Variants in INTU observed in about 807,000 individuals in gnomAD.
INTU encodes the protein protein inturned.
INTU carries 68 observed loss-of-function variants against 100.5 expected under a neutral mutation model. The observed-to-expected ratio is 0.68, with a 90% CI of 0.56 to 0.83. The LOEUF is 0.83. Ranked by LOEUF, INTU falls within the 40% of genes least tolerant of loss-of-function variation. INTU has a pLI of 0.00. For synonymous variants in INTU, 357 were observed against 395.7 expected (o/e 0.90, Z 1.16); for missense variants, 1,071 against 1,114.7 (o/e 0.96, Z 0.56).
intron 4 of INTU, among the ~76,000 whole-genome samples, chr4:127,664,617 C>T (rs1021988027): frequency 2.0e-5 from 3 of 151,934 alleles, no homozygotes; most frequent in Non-Finnish European, 4.4e-5. Flanking sequence ...TGATATGATC[C>T]TCTCCACCCT....
chr4:127,663,715 CTG>C (rs1255241982), intron 4 of INTU, 131 bp downstream of exon 4: 2 of 647,616 alleles, frequency 3.1e-6, no homozygotes, highest in African/African-American at 3.7e-5. Context: ...AATGAATTAA[CTG>C]TTTTTCTTTA....
intron 2 of INTU, among the ~76,000 whole-genome samples, chr4:127,647,812 A>G (rs1239130937): frequency 6.6e-6 from 1 of 152,182 alleles, no homozygotes; most frequent in African/African-American, 2.4e-5. Flanking sequence ...CTTTTCCTAC[A>G]TTTATATACA....
In INTU at chr4:127,691,970, A is replaced by G. The variant is rs1045522224; in HGVS notation, c.1449+4103A>G. On this transcript the variant is annotated intron_variant, in intron 8 of 15. Transcript: ENST00000335251. ...ATAGTGTTCCATGGTATGTATATAT[A>G]TATATATATATGTCACATTTTCTTT... Among the ~76,000 whole-genome samples the G allele has an allele frequency of 1.3e-4, 18 of 141,008 alleles. 2 individuals are homozygous for G. Among genetic ancestry groups the G allele is most frequent in the South Asian group, 7.2e-4 (3 of 4,152 alleles). The allele number at this position is 141,008 out of a possible 152,430, so 92.5% of individuals were successfully genotyped here.
chr4:127,677,046 G>A (rs1459506790), intron 6 of INTU, among the ~76,000 whole-genome samples: 2 of 152,220 alleles, frequency 1.3e-5, no homozygotes, highest in Non-Finnish European at 2.9e-5. Flanking sequence ...GAGGCTGGGG[G>A]AGGGGAGCCC....
chr4:127,656,667 T>G lies in INTU; in HGVS notation c.714T>G (p.Asp238Glu). Residue 238 changes from aspartate (D) to glutamate (E), a missense_variant, in exon 3 of 16, where the codon GAT (aspartate) becomes GAG (glutamate). By Grantham distance (45) the Asp-to-Glu change is conservative. Coordinates refer to ENST00000335251, the MANE Select transcript of INTU (RefSeq NM_015693.4). Reference protein sequence around the residue: ...GDVLVAVNDVDVTTENIERVL... With the variant: ...GDVLVAVNDVEVTTENIERVL... ...TCCTTGTTGCTGTGAATGATGTCGATGTTACTACTGAAAACATCGAGAGAG... is the reference window on the plus strand; with the variant it reads ...TCCTTGTTGCTGTGAATGATGTCGAGGTTACTACTGAAAACATCGAGAGAG... 1.2e-6 allele frequency: 2 copies of G among 1,610,996 alleles called. No individual in the cohort carries two copies. Among genetic ancestry groups the G allele is most frequent in the Non-Finnish European group, 1.7e-6 (2 of 1,177,712 alleles).
At chr4:127,662,045 T>C (rs1477010701) in intron 3 of INTU, among the ~76,000 whole-genome samples, 1 of 152,188 alleles carries the variant, frequency 6.6e-6, no homozygotes, top group Non-Finnish European at 1.5e-5. Flanking sequence ...ATTAGTCATG[T>C]TGAGCATTTT....
intron 14 of INTU, among the ~76,000 whole-genome samples, chr4:127,712,807 C>G (rs908667810): frequency 6.6e-6 from 1 of 152,196 alleles, no homozygotes; most frequent in African/African-American, 2.4e-5. Context: ...GCATTACCGC[C>G]TGAGGTCTGC....
Position 127,687,709 on chromosome 4 carries a change from T to C in INTU, c.1291T>C (p.Leu431=). The change falls in exon 8 of 16, where the codon TTG becomes CTG. Residue 431 remains leucine, a synonymous_variant. Coordinates refer to ENST00000335251, the MANE Select transcript of INTU (RefSeq NM_015693.4). ...TTGCCAGATTGAGAATGTTCCTCGT[T>C]TGGATCATTTTTTTAACTTGTTCTT... is the stretch of plus-strand genomic sequence containing the variant. ...AFCQIENVPR[L]DHFFNLFFQR... The C allele has an allele frequency of 1.9e-6, 3 of 1,612,806 alleles. No homozygotes were observed. The highest frequency in any genetic ancestry group is 1.7e-6 in the Non-Finnish European group (2 of 1,179,064).
chr4:127,640,739 TA>T (rs1727295595), intron 1 of INTU, among the ~76,000 whole-genome samples: 3 of 151,572 alleles, frequency 2.0e-5, no homozygotes, highest in Admixed American at 1.3e-4. Flanking sequence ...TAGTGATTTC[TA>T]AGCTGTATTG....
chr4:127,661,997 A>G (rs1290508237), intron 3 of INTU, among the ~76,000 whole-genome samples: 1 of 152,020 alleles, frequency 6.6e-6, no homozygotes, highest in African/African-American at 2.4e-5. Context: ...GTAAGGTGGT[A>G]GGTACCTCAT....
chr4:127,697,060 T>C (rs115647862), intron 8 of INTU, among the ~76,000 whole-genome samples: 4,120 of 152,292 alleles, frequency 0.027, 174 homozygotes, highest in African/African-American at 0.094. Context: ...CTCTACTCAG[T>C]GTATTTTAAA....
At chr4:127,634,255 T>G (rs1441052193) in intron 1 of INTU, among the ~76,000 whole-genome samples, 1 of 152,240 alleles carries the variant, frequency 6.6e-6, no homozygotes, top group Middle Eastern at 3.2e-3. Context: ...ATTTTAAAAT[T>G]CATGATTATT....
At chr4:127,646,216 TA>T (rs1297269707) in intron 2 of INTU, among the ~76,000 whole-genome samples, 1 of 151,964 alleles carries the variant, frequency 6.6e-6, no homozygotes, top group Non-Finnish European at 1.5e-5. Context: ...TTGGATGACT[TA>T]TTATGCAACA....
intron 3 of INTU, among the ~76,000 whole-genome samples, chr4:127,658,741 A>G (rs1465135954): frequency 6.6e-6 from 1 of 152,180 alleles, no homozygotes; most frequent in Non-Finnish European, 1.5e-5. Flanking sequence ...TTAGCAGAAG[A>G]AAAAGGGAGA....
At chr4:127,650,960 T>C (rs1277306620) in intron 2 of INTU, among the ~76,000 whole-genome samples, 1 of 152,254 alleles carries the variant, frequency 6.6e-6, no homozygotes, top group Non-Finnish European at 1.5e-5. Flanking sequence ...TTTGCATTTC[T>C]CTGATGGCCA....
At chr4:127,671,191 G>A (rs571562443) in intron 5 of INTU, among the ~76,000 whole-genome samples, 3 of 152,062 alleles carry the variant, frequency 2.0e-5, no homozygotes, top group South Asian at 4.1e-4. Flanking sequence ...CGGAATGAGA[G>A]AAAATATTTG....
intron 9 of INTU, among the ~76,000 whole-genome samples, chr4:127,700,304 T>G (rs973021487): frequency 1.3e-5 from 2 of 152,192 alleles, no homozygotes; most frequent in African/African-American, 2.4e-5. Context: ...CACTGAGAAC[T>G]AAGCTTTTGA....
intron 8 of INTU, among the ~76,000 whole-genome samples, chr4:127,690,284 A>G (rs965468567): frequency 3.3e-5 from 5 of 152,224 alleles, no homozygotes; most frequent in Non-Finnish European, 7.3e-5. Flanking sequence ...TATCAAATTA[A>G]GAAATCACTG....
At chr4:127,674,037 A>G (rs1729058340) in intron 5 of INTU, 87 bp from the exon 6 acceptor site, 2 of 793,214 alleles carry the variant, frequency 2.5e-6, no homozygotes, top group African/African-American at 3.5e-5. Flanking sequence ...CTTAAATCAT[A>G]CCATATGCAA....
Sources: allele counts gnomAD v4.1 joint callset (sites outside exome capture counted in the v4.1 genomes callset), GRCh38; gene constraint gnomAD v4.1.1; transcripts MANE v1.5; gene names NCBI Gene and HGNC (gene_info 2026-07-23, HGNC 2026-07-21).